The following HTRA4 variants were observed in gnomAD, a reference collection of about 807,000 sequenced individuals.
HTRA4 encodes the protein HtrA serine peptidase 4.
A neutral mutation model predicts 49.1 loss-of-function variants in HTRA4; 46 were observed. The ratio of observed to expected loss-of-function variants is 0.94; its 90% CI spans 0.74 to 1.20. The LOEUF (loss-of-function observed/expected upper bound fraction) is 1.20, where lower values mean the gene tolerates loss of function less well. Among genes scored for constraint, HTRA4 ranks in the 50% most tolerant of loss-of-function variants. HTRA4 has a pLI of 0.00. For synonymous variants in HTRA4, 261 were observed against 264.0 expected (o/e 0.99, Z 0.11); for missense variants, 602 against 636.9 (o/e 0.95, Z 0.59).
intron 3 of HTRA4, 89 bp downstream of exon 3, chr8:38,976,828 C>T (rs1342269130): frequency 1.1e-5 from 13 of 1,197,676 alleles, no homozygotes; most frequent in Admixed American, 4.0e-5. Context: ...ACTCTCACAC[C>T]ACATCTTTTC....
chr8:38,983,146 A>T, intron 8 of HTRA4, 98 bp downstream of exon 8: 5 of 692,058 alleles, frequency 7.2e-6, no homozygotes, highest in South Asian at 1.9e-5. Context: ...TGTCCAATAC[A>T]GTGGCCACTA....
intron 8 of HTRA4, among the ~76,000 whole-genome samples, chr8:38,986,427 C>A (rs1478770088): frequency 6.6e-6 from 1 of 152,126 alleles, no homozygotes; most frequent in African/African-American, 2.4e-5. Flanking sequence ...GGATTACACA[C>A]CTAGCTAATT....
At chr8:38,986,365 C>A (rs1835482529) in intron 8 of HTRA4, among the ~76,000 whole-genome samples, 1 of 152,188 alleles carries the variant, frequency 6.6e-6, no homozygotes, top group Non-Finnish European at 1.5e-5. Context: ...TCACTGCAAC[C>A]TCCGCCTCCT....
At position 38,974,695 on chromosome 8, in the gene HTRA4, C is replaced by G; in HGVS notation, c.432C>G (p.Ala144=). The part of the protein sequence containing the change: ...RAARRLGKVP[A]VPVQWGNCGD... ...CGCGCCGCCTGGGCAAGGTCCCGGC[C>G]GTGCCTGTGCAGTGGGGGAACTGCG... The change falls in exon 1 of 9, where the codon GCC becomes GCG. Residue 144 remains alanine (A), a synonymous_variant. Coordinates refer to ENST00000302495, the MANE Select transcript of HTRA4 (RefSeq NM_153692.4). 1 of 1,412,420 alleles carries G rather than the reference C, an allele frequency of 7.1e-7. No homozygotes were observed. Among genetic ancestry groups the G allele is most frequent in the African/African-American group, 1.5e-5 (1 of 67,128 alleles). 87.5% of individuals were successfully genotyped at this position (1,412,420 alleles called of 1,614,324 possible).
intron 5 of HTRA4, among the ~76,000 whole-genome samples, chr8:38,981,184 A>T (rs919109645): frequency 1.4e-4 from 19 of 137,918 alleles, no homozygotes; most frequent in Non-Finnish European, 7.6e-5. Flanking sequence ...GGTTCACGCC[A>T]TTCTCCTGCC....
At chr8:38,979,178 T>C in intron 4 of HTRA4, 37 bp from the exon 5 acceptor site, 1 of 1,586,802 alleles carries the variant, frequency 6.3e-7, no homozygotes, top group Non-Finnish European at 8.7e-7. Flanking sequence ...ATGTATTCAT[T>C]AGCTTCACTG....
chr8:38,983,605 CAG>C (rs1333855814), intron 8 of HTRA4, among the ~76,000 whole-genome samples: 4 of 151,850 alleles, frequency 2.6e-5, no homozygotes, highest in African/African-American at 7.3e-5. Flanking sequence ...ACATAGGAAA[CAG>C]AGTGTAAAAT....
rs1195246795 is a variant in HTRA4 at position 38,976,514 on chromosome 8, A to C, written c.567-21A>C. 1.9e-6 allele frequency: 3 copies of C among 1,612,518 alleles called. No individual in the cohort carries two copies. The Admixed American group carries it at 5.0e-5, about 27-fold the overall frequency. On this transcript the variant is annotated intron_variant, in intron 2 of 8. Coordinates refer to ENST00000302495, the MANE Select transcript of HTRA4 (RefSeq NM_153692.4). ...CCTAACTTTCTTGCCCTCTGTTTACACTATTGTCTTGTGGAGACAGGTTAC... is the reference window on the plus strand; with the variant it reads ...CCTAACTTTCTTGCCCTCTGTTTACCCTATTGTCTTGTGGAGACAGGTTAC...
rs555804500 is a variant in HTRA4 at position 38,974,445 on chromosome 8, C to T, written c.182C>T (p.Pro61Leu). 5.8e-6 allele frequency: 9 copies of T among 1,542,734 alleles called. No individual in the cohort carries two copies. The African/African-American group carries it at 1.1e-4, about 19-fold the overall frequency. ...CCCACCTGCGCGCTGGGGACCACGC[C>T]GGTGTTCGACCTGTGCCGCTGTTGC... ...ALPTCALGTT[P>L]VFDLCRCCRV... Residue 61 changes from proline to leucine, a missense_variant, in exon 1 of 9, where the codon CCG becomes CTG. Coordinates refer to ENST00000302495, the MANE Select transcript of HTRA4 (RefSeq NM_153692.4).
chr8:38,988,126 A>AT lies in HTRA4; in HGVS notation c.*28_*29insT. On this transcript the variant is annotated 3_prime_UTR_variant, in exon 9 of 9. Transcript: ENST00000302495. ...ATCTTGTTTTAAAGTGGGATTATCT[A>AT]AAAAAAAAAAAACCAGTTATATCAC... 1.2e-6 allele frequency: 1 copy of AT among 811,326 alleles called. No homozygotes were observed. The allele number at this position is 811,326 out of a possible 1,614,324, so 50.3% of individuals were successfully genotyped here.
At chr8:38,981,480 C>G (rs1287939804) in intron 5 of HTRA4, among the ~76,000 whole-genome samples, 173 bp from the exon 6 acceptor site, 1 of 152,040 alleles carries the variant, frequency 6.6e-6, no homozygotes, top group Non-Finnish European at 1.5e-5. Context: ...TGTCCCATCA[C>G]ACTATTTGCC....
In HTRA4 at chr8:38,978,107, A is replaced by G. The variant is rs1835375576; in HGVS notation, c.926A>G (p.Asp309Gly). The stretch of plus-strand genomic sequence containing the variant: ...GGGGGCAAAGAACTGGGGATGAAGG[A>G]TTCAGATATGGACTACGTCCAGATT... Reference protein sequence around the residue: ...QRGGKELGMKDSDMDYVQIDA... With the variant: ...QRGGKELGMKGSDMDYVQIDA... Residue 309 changes from aspartate (D) to glycine (G), a missense_variant, in exon 4 of 9, where the codon GAT (aspartate) becomes GGT (glycine). By Grantham distance (94) the Asp-to-Gly change is moderately conservative. Transcript: ENST00000302495. 1.2e-6 allele frequency: 2 copies of G among 1,614,126 alleles called. No homozygotes were observed. Among genetic ancestry groups the G allele is most frequent in the Non-Finnish European group, 1.7e-6 (2 of 1,180,004 alleles).
chr8:38,976,299 C>G (rs1835350417), intron 2 of HTRA4, among the ~76,000 whole-genome samples: 1 of 151,148 alleles, frequency 6.6e-6, no homozygotes, highest in African/African-American at 2.4e-5. Context: ...GTTATCCCAG[C>G]TACTTGGGAG....
At chr8:38,986,488 C>T (rs373007798) in intron 8 of HTRA4, among the ~76,000 whole-genome samples, 36 of 152,118 alleles carry the variant, frequency 2.4e-4, no homozygotes, top group African/African-American at 6.3e-4. Context: ...AGGCTGGTCT[C>T]GAACTCCTGA....
Position 38,975,016 on chromosome 8 carries a change from A to G in HTRA4, c.467-15A>G. On this transcript the variant is annotated splice_polypyrimidine_tract_variant and intron_variant, in intron 1 of 8. Coordinates refer to ENST00000302495, the MANE Select transcript of HTRA4 (RefSeq NM_153692.4). ...TTCCCTCGAGGCGTACTCTTGAGCCAGTATTTTTTCATAGGGACCAGAAGC... is the reference window on the plus strand; with the variant it reads ...TTCCCTCGAGGCGTACTCTTGAGCCGGTATTTTTTCATAGGGACCAGAAGC... 5 of 1,613,630 alleles carry G rather than the reference A, an allele frequency of 3.1e-6. No individual in the cohort carries two copies. The highest frequency in any genetic ancestry group is 4.2e-6 in the Non-Finnish European group (5 of 1,179,648).
At position 38,987,985 on chromosome 8, in the gene HTRA4, A is replaced by G; in HGVS notation, c.1318A>G (p.Ile440Val). Reference protein sequence around the residue: ...DVIVNINGKPITTTTDVVKAL... With the variant: ...DVIVNINGKPVTTTTDVVKAL... ...AATTGTCAACATAAATGGGAAACCTATTACTACTACAACTGATGTTGTTAA... is the reference window on the plus strand; with the variant it reads ...AATTGTCAACATAAATGGGAAACCTGTTACTACTACAACTGATGTTGTTAA... The change falls in exon 9 of 9, where the codon ATT becomes GTT. Residue 440 changes from isoleucine (I) to valine (V), a missense_variant. Transcript: ENST00000302495. 1.9e-6 allele frequency: 3 copies of G among 1,609,944 alleles called. No homozygotes were observed. The highest frequency in any genetic ancestry group is 2.5e-6 in the Non-Finnish European group (3 of 1,178,870).
At position 38,981,063 on chromosome 8, in the gene HTRA4, G is replaced by GTTTTT. The variant is rs71216700; in HGVS notation, c.1000-560_1000-556dup. Among the ~76,000 whole-genome samples, 149 of 48,154 alleles carry GTTTTT rather than the reference G, an allele frequency of 3.1e-3. 7 individuals carry two copies. The highest frequency in any genetic ancestry group is 0.021 in the Middle Eastern group (1 of 48). The allele number at this position is 48,154 out of a possible 152,430, so 31.6% of individuals were successfully genotyped here. ...TACTAAAGGAAAAAAATGAGCTTAA[G>GTTTTT]TTTTTTTTTTTTTTTTTTTTTTTTT... is the stretch of plus-strand genomic sequence containing the variant. On this transcript the variant is annotated intron_variant, in intron 5 of 8. Coordinates refer to ENST00000302495, the MANE Select transcript of HTRA4 (RefSeq NM_153692.4).
chr8:38,981,071 T>TTG (rs1835414031), intron 5 of HTRA4, among the ~76,000 whole-genome samples: 1 of 94,966 alleles, frequency 1.1e-5, no homozygotes, highest in Non-Finnish European at 1.9e-5. Flanking sequence ...AAGTTTTTTT[T>TTG]TTTTTTTTTT....
rs202128701 is a variant in HTRA4, at chr8:38,981,419, CTTT to C, written c.1000-233_1000-231del. On this transcript the variant is annotated intron_variant, in intron 5 of 8. Coordinates refer to ENST00000302495, the MANE Select transcript of HTRA4 (RefSeq NM_153692.4). ...TAAAAAGTCCTCAGCATCCTTGATC[CTTT>C]GGCCATGAAAAGAAGGTAACTTCTG... is the stretch of plus-strand genomic sequence containing the variant. Among the ~76,000 whole-genome samples, 1,013 of 152,170 alleles carry C rather than the reference CTTT, an allele frequency of 6.7e-3. 8 individuals are homozygous for C. The highest frequency in any genetic ancestry group is 0.023 in the African/African-American group (972 of 41,508).
Sources: gnomAD v4.1 joint callset for allele counts (sites outside exome capture counted in the v4.1 genomes callset) on GRCh38, gnomAD v4.1.1 for gene constraint, MANE v1.5 for transcripts, NCBI Gene and HGNC (gene_info 2026-07-23, HGNC 2026-07-21) for gene names.